PRKN: variants seen among roughly 807,000 people sequenced by gnomAD.
The protein encoded by PRKN is parkin RBR E3 ubiquitin protein ligase.
A neutral mutation model predicts 59.5 loss-of-function variants in PRKN; 56 were observed. The observed-to-expected ratio is 0.94, with a 90% CI of 0.76 to 1.18. PRKN has a LOEUF of 1.18. PRKN is among the 50% of genes most tolerant of loss of function. The pLI is 0.00. For missense variants in PRKN, 657 were observed against 596.4 expected, an observed-to-expected ratio of 1.10 and a Z score of -1.06; for synonymous variants, 250 against 222.1, an observed-to-expected ratio of 1.13 and a Z score of -1.12.
intron 3 of PRKN, among the ~76,000 whole-genome samples, chr6:162,207,224 T>C (rs1001035867): frequency 1.3e-5 from 2 of 151,890 alleles, no homozygotes; most frequent in Non-Finnish European, 2.9e-5. Context: ...TACAAAAAAT[T>C]AGCCGGCTTG....
At chr6:162,145,323 A>C (rs1311100270) in intron 4 of PRKN, among the ~76,000 whole-genome samples, 2 of 152,350 alleles carry the variant, frequency 1.3e-5, no homozygotes, top group African/African-American at 2.4e-5. Context: ...GATATGTAGA[A>C]TAAAACACAG....
At chr6:162,706,034 C>T (rs1584087034) in intron 1 of PRKN, among the ~76,000 whole-genome samples, 2 of 150,660 alleles carry the variant, frequency 1.3e-5, no homozygotes, top group Admixed American at 1.3e-4. Flanking sequence ...CTCACAATCT[C>T]TTGCTATGGT....
intron 6 of PRKN, among the ~76,000 whole-genome samples, chr6:161,805,452 G>GCACACACACACA (rs1554310490): frequency 0.063 from 2,448 of 39,090 alleles, 50 homozygotes; most frequent in South Asian, 0.16. Flanking sequence ...GTACACACAT[G>GCACACACACACA]CACACACACA....
rs545852965 is a variant in PRKN, at chr6:162,540,733, G to A, written c.8-97260C>T. On this transcript the variant is annotated intron_variant, in intron 1 of 11. Coordinates refer to ENST00000366898, the MANE Select transcript of PRKN (RefSeq NM_004562.3). ...GAGGCACGAGAATCACTTGAACCCA[G>A]GAGGCAGAGGTTGCAGTGAGCCGAG... Among the ~76,000 whole-genome samples, 17 of 151,130 alleles carry A rather than the reference G, an allele frequency of 1.1e-4. No individual in the cohort carries two copies. In the South Asian group the frequency reaches 2.9e-3, roughly 26 times the overall value.
intron 1 of PRKN, among the ~76,000 whole-genome samples, chr6:162,617,695 T>C (rs919244781): frequency 1.3e-5 from 2 of 152,226 alleles, no homozygotes; most frequent in Admixed American, 6.5e-5. Context: ...AGTGAAATTA[T>C]GCAGTTATCT....
At chr6:162,444,427 A>T (rs66932636) in intron 1 of PRKN, among the ~76,000 whole-genome samples, 20,325 of 151,610 alleles carry the variant, frequency 0.13, 2,035 homozygotes, top group African/African-American at 0.28. Context: ...TCTAGCACAA[A>T]CCTACATTCC....
chr6:162,531,736 C>T (rs113590680), intron 1 of PRKN, among the ~76,000 whole-genome samples: 249 of 152,156 alleles, frequency 1.6e-3, no homozygotes, highest in African/African-American at 5.4e-3. Flanking sequence ...CTAATCTTGT[C>T]GCTAATGGTA....
rs1784434355 is a variant in PRKN, at chr6:161,349,334, G to C, written c.*765C>G. 1 of 229,124 alleles carries C rather than the reference G, an allele frequency of 4.4e-6. No homozygotes were observed. Among genetic ancestry groups the C allele is most frequent in the African/African-American group, 2.2e-5 (1 of 45,076 alleles). 14.2% of individuals were successfully genotyped at this position (229,124 alleles called of 1,614,324 possible). A position where few individuals can be genotyped will look rare whatever the true frequency, so the allele number is the denominator to read the frequency against. ...AGAAAAACAATTTCTTTCTAAAGTT[G>C]CAAATCATGAAAGGGAATGAAAGTA... On this transcript the variant is annotated 3_prime_UTR_variant, in exon 12 of 12. Transcript: ENST00000366898. The surrounding 1 kb of genome is among the most constrained non-coding windows in gnomAD (Gnocchi z 5.5).
intron 9 of PRKN, among the ~76,000 whole-genome samples, chr6:161,433,088 T>A (rs1394275440): frequency 6.6e-6 from 1 of 152,198 alleles, no homozygotes; most frequent in Non-Finnish European, 1.5e-5. Context: ...GTTTTGATGA[T>A]AGACTATCAT....
chr6:162,142,664 C>T (rs1236974164), intron 4 of PRKN, among the ~76,000 whole-genome samples: 2 of 152,028 alleles, frequency 1.3e-5, no homozygotes, highest in Non-Finnish European at 2.9e-5. Context: ...CCCACAGTGA[C>T]CAAAATAGAG....
chr6:162,126,086 T>C (rs1372351462), intron 4 of PRKN, among the ~76,000 whole-genome samples: 2 of 152,160 alleles, frequency 1.3e-5, no homozygotes, highest in African/African-American at 4.8e-5. Flanking sequence ...TTGAGCAACA[T>C]AATAATATTT....
chr6:161,476,677 G>C (rs931206351), intron 9 of PRKN, among the ~76,000 whole-genome samples: 2 of 152,186 alleles, frequency 1.3e-5, no homozygotes, highest in African/African-American at 2.4e-5. Context: ...AAGACCCACC[G>C]ATTTGTTTCT....
chr6:161,370,207 A>G (rs1321940757), intron 10 of PRKN, among the ~76,000 whole-genome samples: 1 of 151,934 alleles, frequency 6.6e-6, no homozygotes, highest in East Asian at 1.9e-4. Flanking sequence ...CAGACTGGTC[A>G]ATATAATGAG....
At chr6:162,426,570 C>T (rs1789247942) in intron 2 of PRKN, among the ~76,000 whole-genome samples, 1 of 152,210 alleles carries the variant, frequency 6.6e-6, no homozygotes, top group African/African-American at 2.4e-5. Flanking sequence ...CCCACCTCAT[C>T]CCCAAGTGGC....
intron 7 of PRKN, among the ~76,000 whole-genome samples, chr6:161,775,069 G>A (rs981381339): frequency 6.6e-6 from 1 of 152,104 alleles, no homozygotes; most frequent in Non-Finnish European, 1.5e-5. Flanking sequence ...GTTTCAGCGA[G>A]GCAGGCAAAC....
At chr6:162,157,641 C>A (rs1465707973) in intron 4 of PRKN, among the ~76,000 whole-genome samples, 1 of 151,760 alleles carries the variant, frequency 6.6e-6, no homozygotes, top group East Asian at 1.9e-4. Context: ...CAATTATACT[C>A]TTTCAGGATA....
At chr6:162,560,970 T>C (rs1414206168) in intron 1 of PRKN, among the ~76,000 whole-genome samples, 2 of 150,740 alleles carry the variant, frequency 1.3e-5, no homozygotes, top group Non-Finnish European at 2.9e-5. Flanking sequence ...AAAGACTTTA[T>C]AAAAGGGTCA....
chr6:162,354,556 G>A (rs1467962626), intron 2 of PRKN, among the ~76,000 whole-genome samples: 1 of 151,946 alleles, frequency 6.6e-6, no homozygotes. Flanking sequence ...AAATAAGATG[G>A]CATTTCCACC....
intron 2 of PRKN, among the ~76,000 whole-genome samples, chr6:162,360,663 G>T (rs1785095198): frequency 6.6e-6 from 1 of 152,014 alleles, no homozygotes. Context: ...TTTCACAGAG[G>T]TCAAGAAGTC....
Sources: gnomAD v4.1 joint callset for allele counts (sites outside exome capture counted in the v4.1 genomes callset) on GRCh38, gnomAD v4.1.1 for gene constraint, Gnocchi (gnomAD v3.1) non-coding constraint, MANE v1.5 for transcripts, NCBI Gene and HGNC (gene_info 2026-07-23, HGNC 2026-07-21) for gene names.